Variants in BTBD1 observed in about 807,000 individuals in gnomAD.
The protein encoded by BTBD1 is BTB/POZ domain-containing protein 1.
BTBD1 carries 34 observed loss-of-function variants against 48.0 expected under a neutral mutation model. The observed-to-expected ratio is 0.71, with a 90% CI of 0.54 to 0.94. The LOEUF (loss-of-function observed/expected upper bound fraction) is 0.94. Among genes scored for constraint, BTBD1 ranks in the 40% least tolerant of loss-of-function variants. The pLI, the probability that BTBD1 is intolerant of heterozygous loss-of-function variation, is 0.00. For missense variants in BTBD1, 543 were observed against 625.6 expected, an observed-to-expected ratio of 0.87 and a Z score of 1.41; for synonymous variants, 261 against 242.1, an observed-to-expected ratio of 1.08 and a Z score of -0.72.
At chr15:83,036,096 T>C (rs1447252823) in intron 4 of BTBD1, among the ~76,000 whole-genome samples, 2 of 96,548 alleles carry the variant, frequency 2.1e-5, no homozygotes, top group African/African-American at 8.8e-5. Flanking sequence ...GAAAACTGTA[T>C]CATTACCAAA....
At chr15:83,049,617 G>A (rs942549600) in intron 3 of BTBD1, among the ~76,000 whole-genome samples, 1 of 151,784 alleles carries the variant, frequency 6.6e-6, no homozygotes, top group African/African-American at 2.4e-5. Context: ...TTAAGTTCAG[G>A]GGTACATGTG....
intron 4 of BTBD1, among the ~76,000 whole-genome samples, chr15:83,034,920 C>T (rs531727123): frequency 6.6e-6 from 1 of 152,114 alleles, no homozygotes; most frequent in African/African-American, 2.4e-5. Context: ...ATCTGTTGAA[C>T]AGATACAGGA....
intron 1 of BTBD1, among the ~76,000 whole-genome samples, chr15:83,057,319 A>C (rs1384515955): frequency 6.6e-6 from 1 of 152,186 alleles, no homozygotes; most frequent in Admixed American, 6.5e-5. Context: ...CTTGCTAGCC[A>C]TGTGACTTAT....
chr15:83,055,577 T>A (rs543126912), intron 2 of BTBD1, among the ~76,000 whole-genome samples: 16 of 152,328 alleles, frequency 1.1e-4, no homozygotes, highest in African/African-American at 3.6e-4. Flanking sequence ...TAGTTTTCTA[T>A]ATGGATCCTA....
chr15:83,030,116 A>G lies in BTBD1; in HGVS notation c.1055+20T>C, dbSNP rs757612044. On this transcript the variant is annotated intron_variant, in intron 5 of 7. Transcript: ENST00000261721. ...ACTGCTACCCCCACTCTACCCCCGC[A>G]TCCCCAATATAACAGATACCTGATT... is the stretch of plus-strand genomic sequence containing the variant. The G allele has an allele frequency of 1.2e-6, 2 of 1,611,678 alleles. No individual in the cohort carries two copies. The highest frequency in any genetic ancestry group is 1.7e-6 in the Non-Finnish European group (2 of 1,178,162).
In BTBD1 at chr15:83,019,664, C is replaced by T. The variant is rs924265963; in HGVS notation, c.1144-811G>A. 2.7e-5 allele frequency among the ~76,000 whole-genome samples: 4 copies of T among 149,030 alleles called. No homozygotes were observed. The Admixed American group carries it at 2.7e-4, about 10-fold the overall frequency. Reference sequence around the variant, plus strand: ...AAGGCAGTGGCATGACCTTGGCTCACTGCAACATCTGCCTCCCAGGTCCCA... The same window carrying T: ...AAGGCAGTGGCATGACCTTGGCTCATTGCAACATCTGCCTCCCAGGTCCCA... On this transcript the variant is annotated intron_variant, in intron 6 of 7. Transcript: ENST00000261721.
At chr15:83,018,408 A>AT (rs2032214066) in intron 7 of BTBD1, among the ~76,000 whole-genome samples, 183 bp from the exon 8 acceptor site, 1 of 152,256 alleles carries the variant, frequency 6.6e-6, no homozygotes, top group East Asian at 1.9e-4. Context: ...AAAATACTGA[A>AT]TGTACAGCCC....
At chr15:83,037,647 T>C (rs1208952124) in intron 4 of BTBD1, among the ~76,000 whole-genome samples, 4 of 152,204 alleles carry the variant, frequency 2.6e-5, no homozygotes, top group Non-Finnish European at 5.9e-5. Context: ...ATGCTCACTC[T>C]AACCACTCCT....
chr15:83,053,018 A>G (rs1225675002), intron 2 of BTBD1, among the ~76,000 whole-genome samples: 2 of 151,894 alleles, frequency 1.3e-5, no homozygotes, highest in African/African-American at 4.8e-5. Context: ...TAGGAAAAAC[A>G]ATTTTCTATA....
intron 2 of BTBD1, among the ~76,000 whole-genome samples, chr15:83,054,850 G>A (rs1468461880): frequency 1.3e-5 from 2 of 151,852 alleles, no homozygotes; most frequent in Non-Finnish European, 2.9e-5. Context: ...ATGAGCCACC[G>A]CGCCCGGCTG....
chr15:83,051,022 C>A (rs2032971249), intron 2 of BTBD1, among the ~76,000 whole-genome samples: 1 of 147,218 alleles, frequency 6.8e-6, no homozygotes, highest in South Asian at 2.1e-4. Flanking sequence ...TGTTATAACC[C>A]TCCCCCACAA....
intron 4 of BTBD1, among the ~76,000 whole-genome samples, chr15:83,034,899 T>C (rs1596431193): frequency 6.6e-6 from 1 of 152,246 alleles, no homozygotes; most frequent in East Asian, 1.9e-4. Flanking sequence ...CTTTCATAGA[T>C]ATAGTATTCA....
At chr15:83,066,693 TCCCAGCCCGGCCCGGCCCGGCCCGG>T (rs1416735647) in intron 1 of BTBD1, 33 bp downstream of exon 1, 220 of 1,217,372 alleles carry the variant, frequency 1.8e-4, no homozygotes, top group South Asian at 2.3e-4. Flanking sequence ...CCCGGGGATC[TCCCAGCCCGGCCCGGCCCGGCCCGG>T]CCCGGCCCGG....
intron 5 of BTBD1, among the ~76,000 whole-genome samples, chr15:83,027,300 C>T (rs1343307934): frequency 9.8e-5 from 15 of 152,308 alleles, no homozygotes; most frequent in Admixed American, 7.2e-4. Flanking sequence ...TGCAGTGAGC[C>T]GGGATCGCAC....
chr15:83,024,347 C>T (rs575003630), intron 5 of BTBD1: 4 of 152,190 alleles, frequency 2.6e-5, no homozygotes, highest in Middle Eastern at 3.4e-3. Flanking sequence ...GTTATTTATG[C>T]TTTGTTGGTA....
At chr15:83,051,854 TATTA>T (rs1596442128) in intron 2 of BTBD1, among the ~76,000 whole-genome samples, 1 of 68,930 alleles carries the variant, frequency 1.5e-5, no homozygotes, top group South Asian at 3.7e-4. Context: ...TTGCCTCATT[TATTA>T]ATTTTTTTTC....
intron 3 of BTBD1, among the ~76,000 whole-genome samples, chr15:83,043,484 C>G (rs915380864): frequency 2.0e-5 from 3 of 152,098 alleles, no homozygotes; most frequent in Admixed American, 6.5e-5. Flanking sequence ...ATTTTATGTT[C>G]TGAAAGGATC....
chr15:83,026,404 T>G (rs2032407613), intron 5 of BTBD1, among the ~76,000 whole-genome samples: 1 of 152,004 alleles, frequency 6.6e-6, no homozygotes, highest in Admixed American at 6.6e-5. Context: ...CAGTCTCCCA[T>G]AACTCAATCA....
intron 3 of BTBD1, chr15:83,044,341 C>G: frequency 7.3e-7 from 1 of 1,361,012 alleles, no homozygotes; most frequent in Non-Finnish European, 1.0e-6. Flanking sequence ...CAACCCTGCT[C>G]TGCATGCCCG....
Sources: gnomAD v4.1 joint callset for allele counts (sites outside exome capture counted in the v4.1 genomes callset) on GRCh38, gnomAD v4.1.1 for gene constraint, MANE v1.5 for transcripts, NCBI Gene and HGNC (gene_info 2026-07-23, HGNC 2026-07-21) for gene names.